Variants in MYZAP observed in about 807,000 individuals in gnomAD.
MYZAP encodes GRINL1A complex locus upstream.
In MYZAP, 66 loss-of-function variants were observed where a neutral mutation model predicts 69.4. The ratio of observed to expected loss-of-function variants is 0.95; its 90% CI spans 0.78 to 1.17. The LOEUF is 1.17. Ranked by LOEUF, MYZAP falls within the 50% of genes most tolerant of loss-of-function variation. MYZAP has a pLI of 0.00. For synonymous variants in MYZAP, 256 were observed against 205.9 expected, an observed-to-expected ratio of 1.24 and a Z score of -2.09; for missense variants, 611 against 556.2, an observed-to-expected ratio of 1.10 and a Z score of -0.99.
chr15:57,608,264 C>G (rs1309024813), intron 2 of MYZAP, among the ~76,000 whole-genome samples: 1 of 152,138 alleles, frequency 6.6e-6, no homozygotes, highest in African/African-American at 2.4e-5. Flanking sequence ...GGACAGCTGG[C>G]CATGCATAGA....
chr15:57,608,048 T>C (rs552696068), intron 2 of MYZAP, among the ~76,000 whole-genome samples: 74 of 152,334 alleles, frequency 4.9e-4, no homozygotes, highest in Admixed American at 2.8e-3. Flanking sequence ...GCTTCTTCTG[T>C]GTGCAAAGGC....
chr15:57,633,157 T>C (rs1238004792), intron 7 of MYZAP, among the ~76,000 whole-genome samples: 1 of 152,204 alleles, frequency 6.6e-6, no homozygotes, highest in African/African-American at 2.4e-5. Context: ...TCTGTGTCCG[T>C]AGAGGCTTAA....
chr15:57,627,050 C>T (rs922307880), intron 5 of MYZAP, among the ~76,000 whole-genome samples: 1 of 152,232 alleles, frequency 6.6e-6, no homozygotes. Flanking sequence ...CCTCCCCTTT[C>T]GGACGCTGTC....
intron 8 of MYZAP, among the ~76,000 whole-genome samples, chr15:57,636,135 T>C (rs557855221): frequency 6.6e-6 from 1 of 151,994 alleles, no homozygotes; most frequent in African/African-American, 2.4e-5. Context: ...CTTTCTTGTT[T>C]TTTGTTTTTT....
At chr15:57,680,791 G>C (rs1448575902) in intron 12 of MYZAP, 1 of 152,216 alleles carries the variant, frequency 6.6e-6, no homozygotes, top group African/African-American at 2.4e-5. Context: ...TCAGCACGTA[G>C]TAAGTGCTTT....
intron 10 of MYZAP, chr15:57,646,040 T>G (rs1334194936): frequency 6.3e-6 from 4 of 633,018 alleles, no homozygotes; most frequent in Non-Finnish European, 1.0e-5. Flanking sequence ...GGATTTCAAG[T>G]ACTTCTCATA....
intron 11 of MYZAP, among the ~76,000 whole-genome samples, chr15:57,669,053 G>A (rs1385083808): frequency 6.6e-6 from 1 of 151,784 alleles, no homozygotes; most frequent in African/African-American, 2.4e-5. Flanking sequence ...ACCACGCTCG[G>A]CTAATTTTTG....
chr15:57,678,219 G>A (rs541585686), intron 12 of MYZAP, among the ~76,000 whole-genome samples: 114 of 151,962 alleles, frequency 7.5e-4, no homozygotes, highest in Non-Finnish European at 1.4e-3. Flanking sequence ...AAAATTAGCC[G>A]GGTGTGGTGG....
intron 10 of MYZAP, among the ~76,000 whole-genome samples, chr15:57,655,712 C>T (rs944834610): frequency 5.3e-5 from 8 of 152,156 alleles, no homozygotes; most frequent in Non-Finnish European, 8.8e-5. Context: ...CATGATTGAT[C>T]GGGCTGCAAG....
At chr15:57,656,744 A>G (rs1413739876) in intron 10 of MYZAP, among the ~76,000 whole-genome samples, 1 of 152,192 alleles carries the variant, frequency 6.6e-6, no homozygotes, top group Non-Finnish European at 1.5e-5. Context: ...TTATCTGAAC[A>G]AGTCAATTCA....
chr15:57,601,863 G>A (rs2034436947), intron 1 of MYZAP, among the ~76,000 whole-genome samples: 1 of 152,172 alleles, frequency 6.6e-6, no homozygotes, highest in Non-Finnish European at 1.5e-5. Context: ...GGTCCATTAG[G>A]TAGAAATTCT....
At chr15:57,639,826 C>T (rs2037041416) in intron 10 of MYZAP, among the ~76,000 whole-genome samples, 1 of 152,196 alleles carries the variant, frequency 6.6e-6, no homozygotes, top group Non-Finnish European at 1.5e-5. Flanking sequence ...CAGTGATAGC[C>T]TGAGTGGGTA....
At chr15:57,678,186 AC>A (rs1356900424) in intron 12 of MYZAP, among the ~76,000 whole-genome samples, 5 of 152,026 alleles carry the variant, frequency 3.3e-5, no homozygotes, top group African/African-American at 1.2e-4. Context: ...ACTTGATGAA[AC>A]CCTGTCTCTA....
chr15:57,672,515 C>G (rs1296041608), intron 11 of MYZAP, among the ~76,000 whole-genome samples: 1 of 26,120 alleles, frequency 3.8e-5, no homozygotes, highest in Non-Finnish European at 3.8e-4. Flanking sequence ...TGAGTGCATA[C>G]TCCTCTCACT....
rs1480918163 is a variant in MYZAP at position 57,632,523 on chromosome 15, A to G, written c.768A>G (p.Glu256=). Residue 256 remains glutamate (E), a synonymous_variant, in exon 7 of 13, where the codon GAA becomes GAG. Transcript: ENST00000267853. The part of the protein sequence containing the change: ...YSQYEEKLQE[E]QRKHSAEKEA... Reference sequence around the variant, plus strand: ...AGTATGAGGAGAAGCTGCAGGAAGAACAGAGGAAGCACAGTGCTGAGAAGG... The same window carrying G: ...AGTATGAGGAGAAGCTGCAGGAAGAGCAGAGGAAGCACAGTGCTGAGAAGG... 4 of 1,614,104 alleles carry G rather than the reference A, an allele frequency of 2.5e-6. No homozygotes were observed. The Admixed American group carries it at 6.7e-5, about 27-fold the overall frequency.
At position 57,661,529 on chromosome 15, in the gene MYZAP, G is replaced by T; in HGVS notation, c.1199G>T (p.Gly400Val). Reference sequence around the variant, plus strand: ...TTAGAAAAGATATCTTTCTTAGAAGGAGAGGTAAGGATCTCTGTTTCTTTA... The same window carrying T: ...TTAGAAAAGATATCTTTCTTAGAAGTAGAGGTAAGGATCTCTGTTTCTTTA... The part of the protein sequence containing the change: ...QLLEKISFLE[G>V]ENNELQSRLD... Residue 400 changes from glycine to valine, a missense_variant, in exon 11 of 13, where the codon GGA becomes GTA. Gly to Val is a moderately radical substitution (Grantham distance 109). Coordinates refer to ENST00000267853, the MANE Select transcript of MYZAP (RefSeq NM_001018100.5). 1 of 1,608,722 alleles carries T rather than the reference G, an allele frequency of 6.2e-7. No individual in the cohort carries two copies. Among genetic ancestry groups the T allele is most frequent in the Non-Finnish European group, 8.5e-7 (1 of 1,178,052 alleles).
At chr15:57,643,704 C>T (rs1471780158) in intron 10 of MYZAP, among the ~76,000 whole-genome samples, 2 of 150,434 alleles carry the variant, frequency 1.3e-5, no homozygotes, top group Non-Finnish European at 3.0e-5. Context: ...TATTGTTTAG[C>T]TGAATAAACA....
intron 1 of MYZAP, among the ~76,000 whole-genome samples, chr15:57,598,657 A>G (rs1360669198): frequency 3.3e-5 from 5 of 152,226 alleles, no homozygotes; most frequent in African/African-American, 9.6e-5. Context: ...AAAGATTTGA[A>G]TGACTCCTCA....
At chr15:57,649,518 T>C (rs1448539099) in intron 10 of MYZAP, among the ~76,000 whole-genome samples, 2 of 152,240 alleles carry the variant, frequency 1.3e-5, no homozygotes, top group African/African-American at 4.8e-5. Flanking sequence ...GAAATGGTTG[T>C]TCATGTCATT....
Sources: gnomAD v4.1 joint callset for allele counts (sites outside exome capture counted in the v4.1 genomes callset) on GRCh38, gnomAD v4.1.1 for gene constraint, MANE v1.5 for transcripts, NCBI Gene and HGNC (gene_info 2026-07-23, HGNC 2026-07-21) for gene names.